Variants in RYR3 observed in about 807,000 individuals in gnomAD.
RYR3 encodes the protein ryanodine receptor 3, also known as brain ryanodine receptor-calcium release channel.
In RYR3, 207 loss-of-function variants were observed where a neutral mutation model predicts 584.3. The observed-to-expected ratio is 0.35, with a 90% confidence interval of 0.32 to 0.40. RYR3 has a LOEUF of 0.40. Ranked by LOEUF, RYR3 falls within the 10% of genes least tolerant of loss-of-function variation. The pLI is 1.00. For missense variants in RYR3, 5,616 were observed against 6,089.2 expected (o/e 0.92, Z 2.59); for synonymous variants, 2,416 against 2,248.5 (o/e 1.07, Z -2.11).
At chr15:33,751,400 T>C (rs1379618886) in intron 57 of RYR3, among the ~76,000 whole-genome samples, 2 of 152,024 alleles carry the variant, frequency 1.3e-5, no homozygotes, top group Admixed American at 1.3e-4. Context: ...GCATCTGTTG[T>C]TTCCTGACTT....
At chr15:33,502,425 G>C (rs999972779) in intron 2 of RYR3, among the ~76,000 whole-genome samples, 2 of 152,194 alleles carry the variant, frequency 1.3e-5, no homozygotes, top group African/African-American at 2.4e-5. Flanking sequence ...AGGCATGGCT[G>C]TCGGTAGTTT....
chr15:33,402,501 TCA>T (rs955939966), intron 1 of RYR3, among the ~76,000 whole-genome samples: 1 of 152,254 alleles, frequency 6.6e-6, no homozygotes, highest in African/African-American at 2.4e-5. Context: ...TCATGTAAAT[TCA>T]CAGTCTGCCT....
intron 69 of RYR3, among the ~76,000 whole-genome samples, chr15:33,804,312 C>T (rs943131638): frequency 1.3e-5 from 2 of 152,176 alleles, no homozygotes; most frequent in African/African-American, 2.4e-5. Context: ...ATAATAGTTG[C>T]CATGGTCCTC....
chr15:33,742,106 C>T (rs939472777), intron 51 of RYR3, among the ~76,000 whole-genome samples: 2 of 152,312 alleles, frequency 1.3e-5, no homozygotes, highest in East Asian at 1.9e-4. Flanking sequence ...GACCCTGGAG[C>T]ACATGGCAGG....
chr15:33,485,322 C>T (rs2142399536), intron 2 of RYR3, among the ~76,000 whole-genome samples: 1 of 152,260 alleles, frequency 6.6e-6, no homozygotes, highest in Middle Eastern at 3.4e-3. Context: ...ACCAATGAGG[C>T]ATCTCTGAAA....
At chr15:33,788,932 G>C (rs1192863443) in intron 67 of RYR3, among the ~76,000 whole-genome samples, 1 of 152,202 alleles carries the variant, frequency 6.6e-6, no homozygotes, top group Non-Finnish European at 1.5e-5. Context: ...AAATTATATA[G>C]AGCGGGGTAA....
intron 12 of RYR3, among the ~76,000 whole-genome samples, chr15:33,575,827 C>A: frequency 1.9e-5 from 1 of 51,412 alleles, no homozygotes; most frequent in African/African-American, 8.1e-5. Context: ...AATACAGGAG[C>A]TGGTTTTAAA....
At chr15:33,317,497 A>T (rs1396119417) in intron 1 of RYR3, among the ~76,000 whole-genome samples, 1 of 152,108 alleles carries the variant, frequency 6.6e-6, no homozygotes, top group Non-Finnish European at 1.5e-5. Context: ...TGTTTTAGGG[A>T]CAAAGACATT....
intron 1 of RYR3, among the ~76,000 whole-genome samples, chr15:33,351,138 G>A (rs1973191260): frequency 6.6e-6 from 1 of 152,122 alleles, no homozygotes; most frequent in Non-Finnish European, 1.5e-5. Context: ...ACACCTCTAC[G>A]CAAATAAACT....
chr15:33,742,926 C>T (rs1182994868), intron 52 of RYR3, among the ~76,000 whole-genome samples: 1 of 152,160 alleles, frequency 6.6e-6, no homozygotes, highest in Admixed American at 6.5e-5. Flanking sequence ...CAGACACTCC[C>T]TTATTAATAA....
Position 33,644,422 on chromosome 15 carries a change from A to G in RYR3, c.3668A>G (p.Glu1223Gly). ...ATGTGCGGTCTCCAAGAGGGCTTTG[A>G]GCCTTTTGCTGTCAACATGAACAGA... Reference protein sequence around the residue: ...YTMCGLQEGFEPFAVNMNRDV... With the variant: ...YTMCGLQEGFGPFAVNMNRDV... The change falls in exon 28 of 104, where the codon GAG becomes GGG. Residue 1223 changes from glutamate to glycine, a missense_variant. By Grantham distance (98) the Glu-to-Gly change is moderately conservative (BLOSUM62 -2). Around this residue, in one of 9 missense-constraint regions of RYR3, gnomAD observed 152 missense variants for 200.9 expected, o/e 0.76. Transcript: ENST00000634891. The G allele has an allele frequency of 6.2e-7, 1 of 1,613,802 alleles. No homozygotes were observed. The highest frequency in any genetic ancestry group is 8.5e-7 in the Non-Finnish European group (1 of 1,179,774).
At chr15:33,473,267 A>C in intron 1 of RYR3, 152 bp from the exon 2 acceptor site, 1 of 902,172 alleles carries the variant, frequency 1.1e-6, no homozygotes, top group Non-Finnish European at 1.8e-6. Context: ...GTGAATAAAA[A>C]ATCTCCTTCC....
At chr15:33,694,338 G>A (rs1252585612) in intron 38 of RYR3, among the ~76,000 whole-genome samples, 1 of 151,170 alleles carries the variant, frequency 6.6e-6, no homozygotes, top group Non-Finnish European at 1.5e-5. Flanking sequence ...TCCGCCTCCC[G>A]GGTTCACGCC....
At chr15:33,479,544 G>A (rs892281622) in intron 2 of RYR3, among the ~76,000 whole-genome samples, 2 of 147,854 alleles carry the variant, frequency 1.4e-5, no homozygotes, top group African/African-American at 2.5e-5. Flanking sequence ...AAGTAATGCC[G>A]TGGGTGCCTA....
chr15:33,652,638 C>T (rs2062551792), intron 31 of RYR3, 80 bp from the exon 32 acceptor site: 2 of 1,442,882 alleles, frequency 1.4e-6, no homozygotes, highest in East Asian at 4.8e-5. Context: ...TAGCCATTTT[C>T]ATTTTTCATT....
intron 15 of RYR3, among the ~76,000 whole-genome samples, chr15:33,585,185 T>G (rs1008470477): frequency 2.6e-5 from 4 of 152,038 alleles, no homozygotes; most frequent in African/African-American, 9.7e-5. Context: ...CCAAGAGAGG[T>G]TCCCCCAAGG....
chr15:33,603,534 A>G (rs1229933654), intron 18 of RYR3, among the ~76,000 whole-genome samples, 170 bp downstream of exon 18: 1 of 152,208 alleles, frequency 6.6e-6, no homozygotes, highest in African/African-American at 2.4e-5. Context: ...ACTCATTTAT[A>G]CCATTACTCA....
In RYR3 at chr15:33,748,238, G is replaced by A. The variant is rs759749942; in HGVS notation, c.8114G>A (p.Arg2705Gln). Residue 2705 changes from arginine to glutamine, a missense_variant, in exon 54 of 104, where the codon CGA becomes CAA. Arg to Gln is a conservative substitution (Grantham distance 43). Coordinates refer to ENST00000634891, the MANE Select transcript of RYR3 (RefSeq NM_001036.6). Reference sequence around the variant, plus strand: ...CAACAGCGGGAAAATGAGAAGCTTCGAAGTGTGTCCCAGGCCAACCAGGTA... The same window carrying A: ...CAACAGCGGGAAAATGAGAAGCTTCAAAGTGTGTCCCAGGCCAACCAGGTA... ...LVQQRENEKL[R>Q]SVSQANQGNS... 2.7e-5 allele frequency: 44 copies of A among 1,613,714 alleles called. No individual in the cohort carries two copies. Among genetic ancestry groups the A allele is most frequent in the Admixed American group, 1.3e-4 (8 of 59,998 alleles).
intron 1 of RYR3, among the ~76,000 whole-genome samples, chr15:33,436,751 A>G (rs979363312): frequency 1.3e-5 from 2 of 151,824 alleles, no homozygotes; most frequent in African/African-American, 4.8e-5. Context: ...TGATCCATCT[A>G]CCTCAGCCTC....
Sources: gnomAD v4.1 joint callset for allele counts (sites outside exome capture counted in the v4.1 genomes callset) on GRCh38, gnomAD v4.1.1 for gene constraint, gnomAD v4.1.1 regional missense constraint, MANE v1.5 for transcripts, NCBI Gene and HGNC (gene_info 2026-07-23, HGNC 2026-07-21) for gene names.